The following KHDRBS2 variants were observed in gnomAD, a reference collection of about 807,000 sequenced individuals.
KHDRBS2 encodes the protein KH domain-containing, RNA-binding, signal transduction-associated protein 2.
In KHDRBS2, 26 loss-of-function variants were observed where a neutral mutation model predicts 44.3. The ratio of observed to expected loss-of-function variants is 0.59; its 90% CI spans 0.43 to 0.81. The LOEUF is 0.81. Among genes scored for constraint, KHDRBS2 ranks in the 40% least tolerant of loss-of-function variants. The probability of loss-of-function intolerance (pLI) is 0.00; values close to 1 mark genes in which losing one functional copy is unlikely to be tolerated. For synonymous variants in KHDRBS2, 194 were observed against 151.1 expected (o/e 1.28, Z -2.08); for missense variants, 476 against 433.1 (o/e 1.10, Z -0.88).
chr6:61,764,048 T>C (rs1779645343), intron 6 of KHDRBS2, among the ~76,000 whole-genome samples: 1 of 152,184 alleles, frequency 6.6e-6, no homozygotes, highest in African/African-American at 2.4e-5. Flanking sequence ...TTCTCATTGT[T>C]CAGTTCCCAC....
At chr6:61,739,199 A>G (rs2127563194) in intron 6 of KHDRBS2, among the ~76,000 whole-genome samples, 1 of 152,038 alleles carries the variant, frequency 6.6e-6, no homozygotes, top group Middle Eastern at 3.4e-3. Flanking sequence ...GCATTGCCAC[A>G]ATAGAATCCC....
At chr6:62,190,138 C>T (rs1170846401) in intron 1 of KHDRBS2, among the ~76,000 whole-genome samples, 1 of 151,998 alleles carries the variant, frequency 6.6e-6, no homozygotes, top group Admixed American at 6.6e-5. Context: ...GGAAGAAAAT[C>T]AGGAAAATGT....
intron 3 of KHDRBS2, among the ~76,000 whole-genome samples, chr6:62,035,309 A>C (rs1584282253): frequency 6.6e-6 from 1 of 152,162 alleles, no homozygotes; most frequent in Admixed American, 6.6e-5. Context: ...CTATTCAGCC[A>C]CAAAAAAATG....
the KHDRBS2 span, among the ~76,000 whole-genome samples, chr6:61,599,044 CTG>C: frequency 6.6e-6 from 1 of 151,868 alleles, no homozygotes; most frequent in Non-Finnish European, 1.5e-5. Context: ...AGCAATTCTC[CTG>C]TCTCAGCCTC....
At chr6:61,696,292 T>C (rs1767896183) in intron 8 of KHDRBS2, among the ~76,000 whole-genome samples, 1 of 146,558 alleles carries the variant, frequency 6.8e-6, no homozygotes, top group Non-Finnish European at 1.5e-5. Flanking sequence ...AGTCTCGCTC[T>C]GTTGCCAGGC....
intron 2 of KHDRBS2, among the ~76,000 whole-genome samples, chr6:62,137,110 C>G (rs1584907212): frequency 6.8e-6 from 1 of 148,140 alleles, no homozygotes; most frequent in Non-Finnish European, 1.5e-5. Context: ...ACGCCATTCT[C>G]CTGCCTCAGC....
At chr6:61,836,453 T>A (rs184227533) in intron 6 of KHDRBS2, among the ~76,000 whole-genome samples, 2 of 152,198 alleles carry the variant, frequency 1.3e-5, no homozygotes, top group East Asian at 3.9e-4. Context: ...TGCCTGTTTT[T>A]AACTTTATGA....
At chr6:61,600,868 C>G in the KHDRBS2 span, among the ~76,000 whole-genome samples, 1 of 152,196 alleles carries the variant, frequency 6.6e-6, no homozygotes, top group Non-Finnish European at 1.5e-5. Flanking sequence ...ATCTTTCAAT[C>G]TCTCCCTTCT....
chr6:62,077,854 T>C (rs1045611011), intron 2 of KHDRBS2, among the ~76,000 whole-genome samples: 15 of 152,124 alleles, frequency 9.9e-5, no homozygotes, highest in Admixed American at 5.3e-4. Context: ...CAAAGCAATA[T>C]GAGACTGAGG....
chr6:62,278,253 T>C (rs986246205), intron 1 of KHDRBS2, among the ~76,000 whole-genome samples: 9 of 152,154 alleles, frequency 5.9e-5, no homozygotes, highest in African/African-American at 2.2e-4. Flanking sequence ...CTCAAATAAG[T>C]GCAAAAGGAA....
At chr6:61,635,971 C>A in the KHDRBS2 span, among the ~76,000 whole-genome samples, 2 of 152,050 alleles carry the variant, frequency 1.3e-5, no homozygotes, top group African/African-American at 4.8e-5. Context: ...AGCTCAACAA[C>A]AATTTCCAAG....
chr6:62,007,896 T>C (rs1257395148), intron 3 of KHDRBS2, among the ~76,000 whole-genome samples: 1 of 152,132 alleles, frequency 6.6e-6, no homozygotes, highest in Non-Finnish European at 1.5e-5. Flanking sequence ...ATCTCTACTG[T>C]AAAATGGCAA....
chr6:61,960,346 C>G (rs573116783), intron 4 of KHDRBS2, among the ~76,000 whole-genome samples: 1 of 151,986 alleles, frequency 6.6e-6, no homozygotes, highest in African/African-American at 2.4e-5. Context: ...GAGCCCTGAA[C>G]CTTTTGGAGC....
the KHDRBS2 span, among the ~76,000 whole-genome samples, chr6:61,569,803 TG>T: frequency 6.6e-6 from 1 of 152,092 alleles, no homozygotes; most frequent in African/African-American, 2.4e-5. Context: ...CCTGGCTGGG[TG>T]GCTAGATTCA....
intron 6 of KHDRBS2, among the ~76,000 whole-genome samples, chr6:61,756,655 T>G (rs931334509): frequency 1.3e-5 from 2 of 152,216 alleles, no homozygotes; most frequent in Non-Finnish European, 2.9e-5. Context: ...TAAACAGCAG[T>G]GCATTTTGCT....
chr6:62,168,980 T>C (rs1377045778), intron 2 of KHDRBS2, among the ~76,000 whole-genome samples: 1 of 140,022 alleles, frequency 7.1e-6, no homozygotes, highest in Non-Finnish European at 1.5e-5. Flanking sequence ...CAATGAAACA[T>C]AGTATGTGTG....
At chr6:61,978,292 T>G (rs1481689203) in intron 3 of KHDRBS2, 80 bp from the exon 4 acceptor site, 5 of 1,137,986 alleles carry the variant, frequency 4.4e-6, no homozygotes, top group Non-Finnish European at 6.1e-6. Context: ...ATGACAAAGG[T>G]GTATAATTTA....
intron 1 of KHDRBS2, among the ~76,000 whole-genome samples, chr6:62,217,969 A>G (rs990363880): frequency 2.0e-5 from 3 of 151,886 alleles, no homozygotes; most frequent in African/African-American, 7.2e-5. Context: ...CAAAAGACTA[A>G]TGAAGAGGAG....
At chr6:62,237,379 CT>C (rs1833873017) in intron 1 of KHDRBS2, among the ~76,000 whole-genome samples, 1 of 152,122 alleles carries the variant, frequency 6.6e-6, no homozygotes, top group Non-Finnish European at 1.5e-5. Context: ...AACAACTACT[CT>C]CTAAACTCAA....
Sources: gnomAD v4.1 joint callset for allele counts (sites outside exome capture counted in the v4.1 genomes callset) on GRCh38, gnomAD v4.1.1 for gene constraint, MANE v1.5 for transcripts, NCBI Gene and HGNC (gene_info 2026-07-23, HGNC 2026-07-21) for gene names.